The following CACNA2D1 variants were observed in gnomAD, a reference collection of about 807,000 sequenced individuals.
CACNA2D1 encodes the protein voltage-dependent calcium channel subunit alpha-2/delta-1.
In CACNA2D1, 53 loss-of-function variants were observed where a neutral mutation model predicts 171.5. The ratio of observed to expected loss-of-function variants is 0.31; its 90% CI spans 0.25 to 0.39. CACNA2D1 has a LOEUF of 0.39. Ranked by LOEUF, CACNA2D1 falls within the 10% of genes least tolerant of loss-of-function variation. The pLI is 1.00. For missense variants in CACNA2D1, 903 were observed against 1,299.8 expected (o/e 0.69, Z 4.69); for synonymous variants, 442 against 443.1 (o/e 1.00, Z 0.03).
chr7:82,014,678 A>G (rs557011916), intron 12 of CACNA2D1, among the ~76,000 whole-genome samples, 199 bp from the exon 13 acceptor site: 1 of 152,298 alleles, frequency 6.6e-6, no homozygotes, highest in East Asian at 1.9e-4. Context: ...TCCAGTTGCT[A>G]CATTTAAATT....
intron 3 of CACNA2D1, among the ~76,000 whole-genome samples, chr7:82,257,733 G>A (rs578217590): frequency 6.6e-6 from 1 of 152,090 alleles, no homozygotes; most frequent in African/African-American, 2.4e-5. Flanking sequence ...ATCTGGACTG[G>A]TTCTCACATT....
intron 6 of CACNA2D1, among the ~76,000 whole-genome samples, chr7:82,107,085 T>C (rs1372389937): frequency 2.6e-5 from 4 of 152,158 alleles, no homozygotes; most frequent in African/African-American, 7.2e-5. Flanking sequence ...GTACAAGAGA[T>C]ACAGAGTAAA....
At chr7:81,969,732 T>C in intron 28 of CACNA2D1, 149 bp downstream of exon 28, 1 of 615,492 alleles carries the variant, frequency 1.6e-6, no homozygotes, top group Non-Finnish European at 2.9e-6. Context: ...TCTTTTCTAT[T>C]TTCCTAATGC....
intron 1 of CACNA2D1, among the ~76,000 whole-genome samples, chr7:82,363,552 A>T (rs1418238146): frequency 1.3e-5 from 2 of 152,012 alleles, no homozygotes; most frequent in Admixed American, 1.3e-4. Context: ...GGCGTGAGCC[A>T]CCACGCCCCG....
intron 10 of CACNA2D1, among the ~76,000 whole-genome samples, chr7:82,040,277 G>C (rs557443259): frequency 6.6e-6 from 1 of 152,208 alleles, no homozygotes; most frequent in East Asian, 1.9e-4. Flanking sequence ...CATCTGGAAG[G>C]ATAGAGGACT....
At chr7:82,099,279 C>G (rs1468802729) in intron 6 of CACNA2D1, among the ~76,000 whole-genome samples, 1 of 152,036 alleles carries the variant, frequency 6.6e-6, no homozygotes, top group Non-Finnish European at 1.5e-5. Context: ...TTCAATTTTT[C>G]CCTTCCATTC....
In CACNA2D1 at chr7:82,443,658, G is replaced by A. The variant is rs1830684656; in HGVS notation, c.-199C>T. 2.3e-6 allele frequency: 3 copies of A among 1,284,074 alleles called. No individual in the cohort carries two copies. The highest frequency in any genetic ancestry group is 2.9e-6 in the Non-Finnish European group (3 of 1,023,322). The allele number at this position is 1,284,074 out of a possible 1,614,324, so 79.5% of individuals were successfully genotyped here. A position where few individuals can be genotyped will look rare whatever the true frequency, so the allele number is the denominator to read the frequency against. Reference sequence around the variant, plus strand: ...CGGACGCCGAGGAAGGGGCGGTGGCGGGCGGACCCACTAGCGTGCGTCGGC... The same window carrying A: ...CGGACGCCGAGGAAGGGGCGGTGGCAGGCGGACCCACTAGCGTGCGTCGGC... On this transcript the variant is annotated 5_prime_UTR_variant, in exon 1 of 39. Coordinates refer to ENST00000356860, the MANE Select transcript of CACNA2D1 (RefSeq NM_000722.4).
At chr7:82,153,939 A>C (rs1203787309) in intron 4 of CACNA2D1, among the ~76,000 whole-genome samples, 1 of 152,148 alleles carries the variant, frequency 6.6e-6, no homozygotes, top group Admixed American at 6.5e-5. Context: ...GAAAAAGATA[A>C]CTGTTGCAGA....
intron 3 of CACNA2D1, among the ~76,000 whole-genome samples, chr7:82,208,931 A>G (rs12535542): frequency 6.6e-6 from 1 of 152,234 alleles, no homozygotes; most frequent in Admixed American, 6.5e-5. Context: ...AATAATAGGT[A>G]CATAACAGAT....
intron 1 of CACNA2D1, among the ~76,000 whole-genome samples, chr7:82,396,169 G>A (rs1825737257): frequency 6.6e-6 from 1 of 151,924 alleles, no homozygotes; most frequent in Non-Finnish European, 1.5e-5. Context: ...AGCTTTCATA[G>A]AGGCCTTTTA....
chr7:82,235,310 G>A (rs1241871532), intron 3 of CACNA2D1, among the ~76,000 whole-genome samples: 1 of 152,076 alleles, frequency 6.6e-6, no homozygotes, highest in African/African-American at 2.4e-5. Context: ...ACAAGTGCTA[G>A]TATAAAGTAG....
At chr7:82,417,031 A>G (rs1828242846) in intron 1 of CACNA2D1, among the ~76,000 whole-genome samples, 1 of 152,208 alleles carries the variant, frequency 6.6e-6, no homozygotes, top group South Asian at 2.1e-4. Context: ...AGTGTTTCTC[A>G]GTCATTGTGG....
intron 3 of CACNA2D1, among the ~76,000 whole-genome samples, chr7:82,267,790 C>A (rs1400726286): frequency 2.6e-5 from 4 of 152,260 alleles, no homozygotes; most frequent in Admixed American, 1.3e-4. Context: ...GTCAGGAGAT[C>A]AAGACCATCC....
At chr7:81,960,508 C>G (rs557367070) in intron 36 of CACNA2D1, among the ~76,000 whole-genome samples, 168 of 152,084 alleles carry the variant, frequency 1.1e-3, no homozygotes, top group Non-Finnish European at 2.0e-3. Flanking sequence ...CTGTTTTGTC[C>G]ACACCTTAAG....
intron 4 of CACNA2D1, among the ~76,000 whole-genome samples, chr7:82,168,428 G>A (rs1321691035): frequency 1.3e-5 from 2 of 152,206 alleles, no homozygotes; most frequent in African/African-American, 4.8e-5. Context: ...ACAGGTGTAA[G>A]CCACCATGCC....
intron 4 of CACNA2D1, among the ~76,000 whole-genome samples, chr7:82,147,063 C>T (rs556980013): frequency 2.5e-4 from 37 of 145,190 alleles, no homozygotes; most frequent in Non-Finnish European, 4.2e-4. Flanking sequence ...CACACACATA[C>T]CTGCACACAT....
In CACNA2D1 at chr7:82,064,078, G is replaced by A. The variant is rs1584605556; in HGVS notation, c.779+226C>T. ...TTTCATATTTAACATTATATGATAT[G>A]TAATATTAATATATGAATATCCATA... is the stretch of plus-strand genomic sequence containing the variant. On this transcript the variant is annotated intron_variant, in intron 9 of 38. Coordinates refer to ENST00000356860, the MANE Select transcript of CACNA2D1 (RefSeq NM_000722.4). Among the ~76,000 whole-genome samples, 4 of 151,880 alleles carry A rather than the reference G, an allele frequency of 2.6e-5. No individual in the cohort carries two copies. In the South Asian group the frequency reaches 8.3e-4, roughly 32 times the overall value.
intron 3 of CACNA2D1, among the ~76,000 whole-genome samples, chr7:82,241,109 C>T (rs1804225230): frequency 6.6e-6 from 1 of 152,200 alleles, no homozygotes; most frequent in South Asian, 2.1e-4. Context: ...GAAGTGGCAT[C>T]GAATTCTCAG....
At chr7:82,241,942 G>A (rs1804353128) in intron 3 of CACNA2D1, among the ~76,000 whole-genome samples, 2 of 152,022 alleles carry the variant, frequency 1.3e-5, no homozygotes, top group South Asian at 2.1e-4. Flanking sequence ...TGGACTATAA[G>A]AGCCGACTGA....
Sources: allele counts gnomAD v4.1 joint callset (sites outside exome capture counted in the v4.1 genomes callset), GRCh38; gene constraint gnomAD v4.1.1; transcripts MANE v1.5; gene names NCBI Gene and HGNC (gene_info 2026-07-23, HGNC 2026-07-21).